The following NDUFAF6 variants were observed in gnomAD, a reference collection of about 807,000 sequenced individuals.
NDUFAF6 encodes NADH dehydrogenase (ubiquinone) complex I, assembly factor 6.
A neutral mutation model predicts 40.8 loss-of-function variants in NDUFAF6; 45 were observed. That is an observed-to-expected ratio of 1.10 (90% CI 0.87 to 1.42). NDUFAF6 has a LOEUF of 1.42. NDUFAF6 is among the 40% of genes most tolerant of loss of function. The pLI is 0.00. For missense variants in NDUFAF6, 435 were observed against 418.5 expected, an observed-to-expected ratio of 1.04 and a Z score of -0.34; for synonymous variants, 185 against 155.9, an observed-to-expected ratio of 1.19 and a Z score of -1.39.
At position 94,939,869 on chromosome 8, in the gene NDUFAF6, C is replaced by T. The variant is rs1376405304; in HGVS notation, c.-935-5614C>T. 1 of 1,611,800 alleles carries T rather than the reference C, an allele frequency of 6.2e-7. No homozygotes were observed. The highest frequency in any genetic ancestry group is 8.5e-7 in the Non-Finnish European group (1 of 1,178,600). On this transcript the variant is annotated intron_variant, in intron 1 of 14. Transcript: ENST00000396113. Reference sequence around the variant, plus strand: ...AATACTTGTAACGTACCTGGGACTACTTGGGCTATGTAATTCATCAGTCCC... The same window carrying T: ...AATACTTGTAACGTACCTGGGACTATTTGGGCTATGTAATTCATCAGTCCC...
At position 95,025,212 on chromosome 8, in the gene NDUFAF6, G is replaced by A. The variant is rs1827950191; in HGVS notation, c.197+7G>A. 23 of 1,414,866 alleles carry A rather than the reference G, an allele frequency of 1.6e-5. No homozygotes were observed. Among genetic ancestry groups the A allele is most frequent in the Non-Finnish European group, 2.1e-5 (23 of 1,096,268 alleles). 87.6% of individuals were successfully genotyped at this position (1,414,866 alleles called of 1,614,324 possible). ...ACTGCCTGGAGCTGCTGCGGTGAGC[G>A]AGCACGACCTTCCCTGGCGCGGCGG... On this transcript the variant is annotated splice_region_variant and intron_variant, in intron 1 of 8. Transcript: ENST00000396124.
At chr8:94,930,211 A>G in intron 1 of NDUFAF6, 1 of 396,106 alleles carries the variant, frequency 2.5e-6, no homozygotes, top group Non-Finnish European at 4.5e-6. Context: ...TAATATATTT[A>G]AAGACACCCC....
intron 3 of NDUFAF6, among the ~76,000 whole-genome samples, chr8:95,040,246 T>C (rs1830005302): frequency 6.6e-6 from 1 of 152,234 alleles, no homozygotes; most frequent in Non-Finnish European, 1.5e-5. Context: ...AGTTATGGAT[T>C]CTTAGCTGGC....
downstream of NDUFAF6, among the ~76,000 whole-genome samples, chr8:95,118,430 T>C (rs146699132): frequency 2.7e-3 from 409 of 152,290 alleles, 2 homozygotes; most frequent in African/African-American, 9.6e-3. Context: ...ATGGTTATCT[T>C]TTATTATCTA....
chr8:95,084,692 T>C (rs1484671967), intron 2 of NDUFAF6, among the ~76,000 whole-genome samples: 1 of 152,220 alleles, frequency 6.6e-6, no homozygotes, highest in Non-Finnish European at 1.5e-5. Context: ...GGAGAGACTT[T>C]AGATGGCAAA....
At chr8:95,007,290 CT>C (rs1167459033) in intron 2 of NDUFAF6, among the ~76,000 whole-genome samples, 1 of 104,922 alleles carries the variant, frequency 9.5e-6, no homozygotes, top group Non-Finnish European at 1.9e-5. Context: ...TTTTAACAAA[CT>C]AATGCCTGTA....
intron 1 of NDUFAF6, chr8:94,975,863 G>A (rs1046199595): frequency 3.9e-5 from 6 of 152,106 alleles, no homozygotes; most frequent in African/African-American, 1.4e-4. Flanking sequence ...TTAGTTTTCT[G>A]AGCACAAGAA....
intron 1 of NDUFAF6, chr8:94,926,148 A>G (rs1819871781): frequency 6.6e-6 from 1 of 152,640 alleles, no homozygotes; most frequent in African/African-American, 2.4e-5. Flanking sequence ...CTGACCATCT[A>G]TGAACCAATC....
At chr8:94,939,062 C>A (rs760804833) in intron 1 of NDUFAF6, among the ~76,000 whole-genome samples, 1 of 152,148 alleles carries the variant, frequency 6.6e-6, no homozygotes, top group Admixed American at 6.5e-5. Context: ...GTGGAAAAAA[C>A]CCACACATCT....
upstream of NDUFAF6, among the ~76,000 whole-genome samples, chr8:94,957,217 A>C (rs9297949): frequency 0.51 from 77,008 of 151,978 alleles, 19,924 homozygotes; most frequent in East Asian, 0.72. Flanking sequence ...GAGGGACACA[A>C]ACTGAGCTTG....
intron 8 of NDUFAF6, among the ~76,000 whole-genome samples, chr8:95,054,560 G>A (rs1167355282): frequency 6.6e-6 from 1 of 151,670 alleles, no homozygotes; most frequent in Admixed American, 6.6e-5. Flanking sequence ...TCAGCTTCCC[G>A]AGTAGCTGGG....
chr8:95,063,249 T>C (rs1051801588), downstream of NDUFAF6, among the ~76,000 whole-genome samples: 1 of 152,200 alleles, frequency 6.6e-6, no homozygotes, highest in Non-Finnish European at 1.5e-5. Context: ...GAATCAGATA[T>C]GAGATAGAAT....
At chr8:94,965,119 C>T (rs1823903968) in intron 1 of NDUFAF6, among the ~76,000 whole-genome samples, 1 of 152,142 alleles carries the variant, frequency 6.6e-6, no homozygotes, top group Non-Finnish European at 1.5e-5. Flanking sequence ...GTCATCCTGC[C>T]CAGTCGGCCC....
intron 3 of NDUFAF6, among the ~76,000 whole-genome samples, chr8:95,036,147 C>T (rs1829474865): frequency 6.6e-6 from 1 of 152,190 alleles, no homozygotes; most frequent in African/African-American, 2.4e-5. Flanking sequence ...ATTTGTATAG[C>T]TAGATATATA....
At chr8:95,078,959 A>G (rs1025124315), downstream of NDUFAF6, among the ~76,000 whole-genome samples, 4 of 151,832 alleles carry the variant, frequency 2.6e-5, no homozygotes, top group South Asian at 2.1e-4. Flanking sequence ...CTACTCACCT[A>G]TTGAAGGACA....
chr8:95,061,220 A>G (rs1031786314), downstream of NDUFAF6, among the ~76,000 whole-genome samples: 4 of 152,250 alleles, frequency 2.6e-5, no homozygotes, highest in Non-Finnish European at 5.9e-5. Flanking sequence ...AAGTGACCAC[A>G]TCCCCTGATC....
intron 2 of NDUFAF6, among the ~76,000 whole-genome samples, chr8:95,033,154 C>A (rs895829787): frequency 6.6e-6 from 1 of 152,118 alleles, no homozygotes; most frequent in African/African-American, 2.4e-5. Flanking sequence ...GCAATCCTCC[C>A]ACCTCAGCCT....
rs1832410740 is a variant in NDUFAF6, at chr8:95,058,008, C to T, written c.*71C>T. On this transcript the variant is annotated 3_prime_UTR_variant, in exon 9 of 9. Transcript: ENST00000396124. ...AAAAGTTAGGATTCTTATTTAGGAA[C>T]AACAGGAAATGACTGTTAAGGAGAA... 2 of 1,522,524 alleles carry T rather than the reference C, an allele frequency of 1.3e-6. No individual in the cohort carries two copies. The highest frequency in any genetic ancestry group is 1.4e-5 in the African/African-American group (1 of 71,826). The allele number at this position is 1,522,524 out of a possible 1,614,324, so 94.3% of individuals were successfully genotyped here.
At chr8:94,923,667 T>A (rs1055249251) in intron 1 of NDUFAF6, among the ~76,000 whole-genome samples, 1 of 151,824 alleles carries the variant, frequency 6.6e-6, no homozygotes, top group African/African-American at 2.4e-5. Flanking sequence ...TTACAATAGA[T>A]ACTCTGAATT....
Sources: allele counts gnomAD v4.1 joint callset (sites outside exome capture counted in the v4.1 genomes callset), GRCh38; gene constraint gnomAD v4.1.1; transcripts MANE v1.5; gene names NCBI Gene and HGNC (gene_info 2026-07-23, HGNC 2026-07-21).